The following NBPF3 variants were observed in gnomAD, a reference collection of about 807,000 sequenced individuals.
NBPF3 encodes the protein NBPF member 3, also known as NBPF family member NBPF3.
Under a neutral mutation model 78.1 loss-of-function variants are expected in NBPF3, and 57 were observed. The observed-to-expected ratio is 0.73, with a 90% CI of 0.59 to 0.91. The LOEUF is 0.91. NBPF3 is among the 40% of genes least tolerant of loss of function. The pLI, the probability that NBPF3 is intolerant of heterozygous loss-of-function variation, is 0.00. For missense variants in NBPF3, 510 were observed against 715.3 expected (o/e 0.71, Z 3.27); for synonymous variants, 182 against 271.7 (o/e 0.67, Z 3.25).
At chr1:21,455,791 C>T (rs192538517) in intron 2 of NBPF3, among the ~76,000 whole-genome samples, 2 of 152,242 alleles carry the variant, frequency 1.3e-5, no homozygotes, top group Admixed American at 6.5e-5. Flanking sequence ...CTGGACTGTA[C>T]CTGCACAAGG....
intron 2 of NBPF3, among the ~76,000 whole-genome samples, chr1:21,445,478 C>G (rs1424806766): frequency 2.0e-5 from 3 of 152,156 alleles, no homozygotes; most frequent in African/African-American, 4.8e-5. Context: ...CTTTTCCTTA[C>G]TAGCTAGATC....
intron 2 of NBPF3, among the ~76,000 whole-genome samples, chr1:21,456,271 A>G (rs1405270644): frequency 1.3e-5 from 2 of 152,218 alleles, no homozygotes; most frequent in East Asian, 1.9e-4. Context: ...TTTAAGCAAA[A>G]TACATCTAAG....
intron 5 of NBPF3, among the ~76,000 whole-genome samples, chr1:21,472,553 G>A (rs763610865): frequency 7.2e-5 from 11 of 152,230 alleles, no homozygotes; most frequent in Non-Finnish European, 1.3e-4. Flanking sequence ...AGCCAGATGG[G>A]GGAGACAGCT....
At chr1:21,453,847 G>A (rs996575713) in intron 2 of NBPF3, 6 of 152,196 alleles carry the variant, frequency 3.9e-5, no homozygotes, top group African/African-American at 1.4e-4. Context: ...TTGAGGAAGA[G>A]TGAAGCCTTC....
intron 2 of NBPF3, among the ~76,000 whole-genome samples, chr1:21,454,650 A>G (rs1402447371): frequency 6.6e-6 from 1 of 152,144 alleles, no homozygotes; most frequent in Non-Finnish European, 1.5e-5. Flanking sequence ...TTAATAGACC[A>G]TAGCTAATTA....
chr1:21,469,338 A>G (rs959599225), intron 3 of NBPF3, among the ~76,000 whole-genome samples: 6 of 152,160 alleles, frequency 3.9e-5, no homozygotes, highest in Admixed American at 2.0e-4. Context: ...CCCTGAGGAA[A>G]ACTTGGTGAT....
chr1:21,441,046 A>T (rs921963222), intron 1 of NBPF3: 4 of 152,136 alleles, frequency 2.6e-5, no homozygotes, highest in African/African-American at 9.7e-5. Flanking sequence ...GAGTTAACCA[A>T]GACGTTTGGC....
At chr1:21,477,549 G>A (rs1363843372) in intron 8 of NBPF3, among the ~76,000 whole-genome samples, 1 of 152,022 alleles carries the variant, frequency 6.6e-6, no homozygotes, top group Non-Finnish European at 1.5e-5. Flanking sequence ...GTCTGGTGGA[G>A]TTTGCTGGAG....
chr1:21,468,412 AC>A, intron 2 of NBPF3: 1 of 1,337,120 alleles, frequency 7.5e-7, no homozygotes, highest in South Asian at 1.7e-5. Context: ...TGACACCCCC[AC>A]CTTCTAATTC....
intron 9 of NBPF3, 143 bp downstream of exon 9, chr1:21,478,450 C>T (rs1643002874): frequency 9.5e-7 from 1 of 1,054,200 alleles, no homozygotes; most frequent in East Asian, 2.4e-5. Context: ...ATTTCAATCA[C>T]TCTGGAATCG....
intron 9 of NBPF3, among the ~76,000 whole-genome samples, chr1:21,479,130 CA>C (rs1385305012): frequency 6.6e-6 from 1 of 152,224 alleles, no homozygotes; most frequent in Non-Finnish European, 1.5e-5. Context: ...CTGGGAAGAT[CA>C]CATTCCAAAA....
At chr1:21,473,349 T>C in intron 6 of NBPF3, 31 bp from the exon 7 acceptor site, 1 of 1,607,116 alleles carries the variant, frequency 6.2e-7, no homozygotes, top group Non-Finnish European at 8.5e-7. Context: ...TGTTTAGTCT[T>C]CTGTCATCTC....
At chr1:21,446,465 C>G (rs1013765616) in intron 2 of NBPF3, 1 of 138,836 alleles carries the variant, frequency 7.2e-6, no homozygotes, top group African/African-American at 3.0e-5. Context: ...TTCCTTCCTT[C>G]CTTCCTTCCT....
Position 21,479,392 on chromosome 1 carries a change from A to C in NBPF3, c.1200A>C (p.Thr400=), listed in dbSNP as rs772507284. 6.8e-6 allele frequency: 11 copies of C among 1,610,640 alleles called. No individual in the cohort carries two copies. The highest frequency in any genetic ancestry group is 9.3e-6 in the Non-Finnish European group (11 of 1,178,298). The change falls in exon 10 of 15, where the codon ACA becomes ACC. Residue 400 remains threonine (T), a synonymous_variant. Transcript: ENST00000318249. ...TGAAAAAGGAGGACCAAGAGGCCACAAGTCCCAGGTGAGTCTGAGAAATTA... is the reference window on the plus strand; with the variant it reads ...TGAAAAAGGAGGACCAAGAGGCCACCAGTCCCAGGTGAGTCTGAGAAATTA... ...DQVKKEDQEA[T]SPRLSRELLD...
chr1:21,464,843 A>G (rs1017598049), intron 2 of NBPF3, among the ~76,000 whole-genome samples: 5 of 152,078 alleles, frequency 3.3e-5, no homozygotes, highest in Middle Eastern at 6.8e-3. Context: ...CCTTGTCTCT[A>G]TGAAAAATAA....
intron 1 of NBPF3, among the ~76,000 whole-genome samples, chr1:21,441,246 G>A (rs1202280433): frequency 6.6e-6 from 1 of 152,152 alleles, no homozygotes; most frequent in African/African-American, 2.4e-5. Context: ...GCTGATATGC[G>A]TTAGTAGCTT....
In NBPF3 at chr1:21,444,454, A is replaced by G. The variant is rs1640844958; in HGVS notation, c.-139-494A>G. On this transcript the variant is annotated intron_variant, in intron 1 of 14. Transcript: ENST00000318249. Reference sequence around the variant, plus strand: ...CAATAAGCATTAACTAACAACACCCACACTCTCTTAATTCCCTAACAAAAA... The same window carrying G: ...CAATAAGCATTAACTAACAACACCCGCACTCTCTTAATTCCCTAACAAAAA... 2.0e-5 allele frequency among the ~76,000 whole-genome samples: 3 copies of G among 152,198 alleles called. No individual in the cohort carries two copies. In the South Asian group the frequency reaches 6.2e-4, roughly 31 times the overall value.
chr1:21,445,318 G>T, intron 2 of NBPF3, 99 bp downstream of exon 2: 1 of 1,328,680 alleles, frequency 7.5e-7, no homozygotes, highest in African/African-American at 1.5e-5. Flanking sequence ...CCTAAACATT[G>T]CAGGGCCTTG....
rs1642416755 is a variant in NBPF3, at chr1:21,468,740, C to T, written c.186C>T (p.Gly62=). The T allele has an allele frequency of 5.0e-6, 8 of 1,613,560 alleles. No individual in the cohort carries two copies. The highest frequency in any genetic ancestry group is 2.7e-5 in the African/African-American group (2 of 74,912). The change falls in exon 3 of 15, where the codon GGC becomes GGT. Residue 62 remains glycine (G), a synonymous_variant. Coordinates refer to ENST00000318249, the MANE Select transcript of NBPF3 (RefSeq NM_032264.6). ...ATNVSMVVSA[G]PWSGEKAEMN... ...ACGTCAGCATGGTGGTATCTGCCGG[C>T]CCTTGGTCCGGTGAGAAGGCAGAGA...
Sources: allele counts gnomAD v4.1 joint callset (sites outside exome capture counted in the v4.1 genomes callset), GRCh38; gene constraint gnomAD v4.1.1; transcripts MANE v1.5; gene names NCBI Gene and HGNC (gene_info 2026-07-23, HGNC 2026-07-21).